The following SPTBN1 variants were observed in gnomAD, a reference collection of about 807,000 sequenced individuals.
SPTBN1 encodes spectrin beta chain, non-erythrocytic 1.
A neutral mutation model predicts 266.4 loss-of-function variants in SPTBN1; 32 were observed. That is an observed-to-expected ratio of 0.12 (90% CI 0.09 to 0.16). The LOEUF is 0.16. SPTBN1 is among the 10% of genes least tolerant of loss of function. SPTBN1 has a pLI of 1.00. For missense variants in SPTBN1, 2,296 were observed against 3,067.1 expected, an observed-to-expected ratio of 0.75 and a Z score of 5.94; for synonymous variants, 1,336 against 1,162.2, an observed-to-expected ratio of 1.15 and a Z score of -3.04.
chr2:54,665,348 G>GGT (rs1304175058), intron 33 of SPTBN1, among the ~76,000 whole-genome samples: 7 of 152,172 alleles, frequency 4.6e-5, no homozygotes, highest in African/African-American at 1.7e-4. Flanking sequence ...AATACATGCT[G>GGT]GTGTAATACA....
At chr2:54,627,770 C>T (rs1260818028) in intron 12 of SPTBN1, among the ~76,000 whole-genome samples, 1 of 147,372 alleles carries the variant, frequency 6.8e-6, no homozygotes, top group African/African-American at 2.5e-5. Flanking sequence ...CCCGCCCACG[C>T]TCCCCACTGC....
chr2:54,599,276 G>A (rs1300143622), intron 3 of SPTBN1, 33 bp downstream of exon 3: 8 of 1,602,446 alleles, frequency 5.0e-6, no homozygotes, highest in Admixed American at 1.7e-5. Context: ...GCCGTGTGTT[G>A]TAGGTGGAAA....
chr2:54,604,223 G>C (rs989134411), intron 3 of SPTBN1, among the ~76,000 whole-genome samples: 10 of 152,114 alleles, frequency 6.6e-5, no homozygotes, highest in African/African-American at 2.4e-4. Context: ...GAAAGAAGGG[G>C]CAGGGAGTAC....
intron 17 of SPTBN1, among the ~76,000 whole-genome samples, chr2:54,636,185 T>G (rs759066497): frequency 5.3e-5 from 8 of 152,202 alleles, no homozygotes; most frequent in Non-Finnish European, 1.0e-4. Flanking sequence ...AGTATAATTA[T>G]TTTTCTACGT....
chr2:54,626,315 A>G lies in SPTBN1; in HGVS notation c.1644+81A>G, dbSNP rs1301393127. On this transcript the variant is annotated intron_variant, in intron 12 of 35. Coordinates refer to ENST00000356805, the MANE Select transcript of SPTBN1 (RefSeq NM_003128.3). The surrounding 1 kb of genome is among the most constrained non-coding windows in gnomAD (Gnocchi z 4.7). ...TCTGTGACTCATTCACTAAACCCCT[A>G]CGTACAGCTGTGTGCCTTGTCTAAC... is the stretch of plus-strand genomic sequence containing the variant. 14 of 1,484,380 alleles carry G rather than the reference A, an allele frequency of 9.4e-6. No individual in the cohort carries two copies. Among genetic ancestry groups the G allele is most frequent in the Non-Finnish European group, 1.1e-5 (12 of 1,105,566 alleles). The allele number at this position is 1,484,380 out of a possible 1,614,324, so 92.0% of individuals were successfully genotyped here. A position where few individuals can be genotyped will look rare whatever the true frequency, so the allele number is the denominator to read the frequency against.
intron 2 of SPTBN1, among the ~76,000 whole-genome samples, chr2:54,567,618 C>T (rs1362115100): frequency 6.6e-6 from 1 of 152,102 alleles, no homozygotes; most frequent in Non-Finnish European, 1.5e-5. Flanking sequence ...TTGCTACATT[C>T]ATGTATTGCA....
At chr2:54,642,191 A>G (rs1354061956) in intron 18 of SPTBN1, among the ~76,000 whole-genome samples, 1 of 152,238 alleles carries the variant, frequency 6.6e-6, no homozygotes, top group African/African-American at 2.4e-5. Context: ...GATGGAAGCC[A>G]GCAAAAGTGG....
At position 54,492,355 on chromosome 2, in the gene SPTBN1, T is replaced by TG. The variant is rs1668736306; in HGVS notation, c.-47-34017_-47-34016insG. 3.3e-5 allele frequency among the ~76,000 whole-genome samples: 5 copies of TG among 151,186 alleles called. No individual in the cohort carries two copies. The South Asian group carries it at 6.3e-4, about 19-fold the overall frequency. ...TGTCTGCAGTTGTTTTTTTGTTTTTTTTTTTTTTTGCTACTATAGAAAAGC... is the reference window on the plus strand; with the variant it reads ...TGTCTGCAGTTGTTTTTTTGTTTTTTGTTTTTTTTTGCTACTATAGAAAAGC... On this transcript the variant is annotated intron_variant, in intron 1 of 35. Coordinates refer to ENST00000356805, the MANE Select transcript of SPTBN1 (RefSeq NM_003128.3).
intron 16 of SPTBN1, among the ~76,000 whole-genome samples, chr2:54,632,189 T>C (rs1336863817): frequency 6.6e-6 from 1 of 151,532 alleles, no homozygotes; most frequent in Non-Finnish European, 1.5e-5. Flanking sequence ...AAAGTAGAGA[T>C]TAGAGAAATA....
intron 1 of SPTBN1, among the ~76,000 whole-genome samples, chr2:54,468,237 G>T (rs1693736240): frequency 6.6e-6 from 1 of 152,076 alleles, no homozygotes; most frequent in Non-Finnish European, 1.5e-5. Flanking sequence ...AACCCAGGAG[G>T]TGGAGGTTGC....
Position 54,599,195 on chromosome 2 carries a change from T to C in SPTBN1, c.252T>C (p.Asp84=). ...CAGACCTGTACACTGACCTTCGAGA[T>C]GGACGGATGCTCATCAAGCTGCTGG... ...RITDLYTDLR[D]GRMLIKLLEV... Residue 84 remains aspartate (D), a synonymous_variant, in exon 3 of 36, where the codon GAT becomes GAC. Coordinates refer to ENST00000356805, the MANE Select transcript of SPTBN1 (RefSeq NM_003128.3). 6.2e-7 allele frequency: 1 copy of C among 1,614,196 alleles called. No individual in the cohort carries two copies. The highest frequency in any genetic ancestry group is 8.5e-7 in the Non-Finnish European group (1 of 1,180,030).
At chr2:54,481,491 C>G (rs1457728735) in intron 1 of SPTBN1, among the ~76,000 whole-genome samples, 2 of 151,538 alleles carry the variant, frequency 1.3e-5, no homozygotes, top group African/African-American at 2.4e-5. Flanking sequence ...GATATGATGC[C>G]TCTGTTAAAC....
intron 1 of SPTBN1, among the ~76,000 whole-genome samples, chr2:54,514,975 G>A (rs775428900): frequency 2.2e-4 from 33 of 152,148 alleles, no homozygotes; most frequent in Non-Finnish European, 3.1e-4. Context: ...AGAAAATATG[G>A]TTTAGGAGTC....
At chr2:54,592,932 A>C (rs1049177110) in intron 2 of SPTBN1, among the ~76,000 whole-genome samples, 7 of 152,160 alleles carry the variant, frequency 4.6e-5, no homozygotes, top group Non-Finnish European at 1.0e-4. Flanking sequence ...CTAGCATCCC[A>C]CCTACCTAAT....
chr2:54,481,865 A>G (rs1219936154), intron 1 of SPTBN1, among the ~76,000 whole-genome samples: 1 of 152,186 alleles, frequency 6.6e-6, no homozygotes, highest in Non-Finnish European at 1.5e-5. Flanking sequence ...AATTATTTGT[A>G]TATAAAGATT....
At position 54,590,034 on chromosome 2, in the gene SPTBN1, C is replaced by A. The variant is rs148319907; in HGVS notation, c.149-9058C>A. 1.3e-3 allele frequency among the ~76,000 whole-genome samples: 194 copies of A among 152,314 alleles called. 6 individuals carry two copies. In the South Asian group the frequency reaches 0.036, roughly 28 times the overall value. On this transcript the variant is annotated intron_variant, in intron 2 of 35. Coordinates refer to ENST00000356805, the MANE Select transcript of SPTBN1 (RefSeq NM_003128.3). The stretch of plus-strand genomic sequence containing the variant: ...GTTTAAATAATGTTGTAATATGTTA[C>A]AATGATGTCCTAATCACACCGTTGT...
At chr2:54,494,110 GCAGA>G (rs1314638247) in intron 1 of SPTBN1, among the ~76,000 whole-genome samples, 1 of 152,196 alleles carries the variant, frequency 6.6e-6, no homozygotes, top group East Asian at 1.9e-4. Context: ...GAATTGGACA[GCAGA>G]CAGAGTGCAA....
At chr2:54,530,267 A>C (rs1198312293) in intron 2 of SPTBN1, among the ~76,000 whole-genome samples, 1 of 151,698 alleles carries the variant, frequency 6.6e-6, no homozygotes, top group East Asian at 1.9e-4. Flanking sequence ...ATCTAAGGAA[A>C]TAGGGTGAGG....
At chr2:54,665,284 A>AG (rs1252251425) in intron 33 of SPTBN1, among the ~76,000 whole-genome samples, 2 of 152,250 alleles carry the variant, frequency 1.3e-5, no homozygotes, top group African/African-American at 4.8e-5. Context: ...TGAGGGGATC[A>AG]GAACATCTAA....
Sources: gnomAD v4.1 joint callset for allele counts (sites outside exome capture counted in the v4.1 genomes callset) on GRCh38, gnomAD v4.1.1 for gene constraint, Gnocchi (gnomAD v3.1) non-coding constraint, MANE v1.5 for transcripts, NCBI Gene and HGNC (gene_info 2026-07-23, HGNC 2026-07-21) for gene names.